The following NEGR1 variants were observed in gnomAD, a reference collection of about 807,000 sequenced individuals.
NEGR1 encodes the protein neuronal growth regulator 1.
In NEGR1, 10 loss-of-function variants were observed where a neutral mutation model predicts 40.9. The observed-to-expected ratio is 0.24, with a 90% confidence interval of 0.15 to 0.42. The LOEUF (loss-of-function observed/expected upper bound fraction) is 0.42. Among genes scored for constraint, NEGR1 ranks in the 10% least tolerant of loss-of-function variants. The probability of loss-of-function intolerance (pLI) is 1.00; values close to 1 mark genes in which losing one functional copy is unlikely to be tolerated. For synonymous variants in NEGR1, 185 were observed against 166.8 expected, an observed-to-expected ratio of 1.11 and a Z score of -0.84; for missense variants, 352 against 438.9, an observed-to-expected ratio of 0.80 and a Z score of 1.77.
chr1:71,489,457 G>A lies in NEGR1; in HGVS notation c.941-81887C>T, dbSNP rs74426030. Among the ~76,000 whole-genome samples, 233 of 151,828 alleles carry A rather than the reference G, an allele frequency of 1.5e-3. 4 individuals are homozygous for A. The East Asian group carries it at 0.03, about 20-fold the overall frequency. The stretch of plus-strand genomic sequence containing the variant: ...AAATCCCGTTTTGTGTAAGTTATTC[G>A]TGATGGTTTCTGTTGTTTCCCACAC... On this transcript the variant is annotated intron_variant, in intron 6 of 6. Coordinates refer to ENST00000357731, the MANE Select transcript of NEGR1 (RefSeq NM_173808.3).
intron 2 of NEGR1, among the ~76,000 whole-genome samples, chr1:71,850,896 C>CT (rs1389878247): frequency 1.3e-5 from 2 of 152,070 alleles, no homozygotes; most frequent in Admixed American, 6.6e-5. Context: ...AAGGCTGAGA[C>CT]TTTTTTGTGT....
chr1:71,536,752 G>A (rs751829949), intron 6 of NEGR1, among the ~76,000 whole-genome samples: 11 of 151,630 alleles, frequency 7.3e-5, no homozygotes, highest in Admixed American at 1.3e-4. Flanking sequence ...AAGGACAAAT[G>A]CACTCCTAAA....
chr1:71,750,257 T>A (rs1466728992), intron 3 of NEGR1, among the ~76,000 whole-genome samples: 4 of 151,998 alleles, frequency 2.6e-5, no homozygotes, highest in African/African-American at 9.7e-5. Flanking sequence ...CCTCCCAAAG[T>A]GCTGGGATTA....
At chr1:71,857,161 T>C (rs757361381) in intron 2 of NEGR1, among the ~76,000 whole-genome samples, 5 of 152,064 alleles carry the variant, frequency 3.3e-5, no homozygotes, top group Non-Finnish European at 7.4e-5. Context: ...AAGTCTAATA[T>C]TGCATTTGAA....
intron 1 of NEGR1, among the ~76,000 whole-genome samples, chr1:72,045,322 G>A (rs892293938): frequency 4.0e-5 from 6 of 151,768 alleles, no homozygotes; most frequent in Admixed American, 2.6e-4. Context: ...AGTTAGATAG[G>A]TCAGCATCTG....
intron 2 of NEGR1, chr1:71,837,153 A>G (rs1334931346): frequency 2.6e-5 from 4 of 152,120 alleles, no homozygotes; most frequent in African/African-American, 9.7e-5. Context: ...CAATTCCAAG[A>G]CAGCCCTGTG....
At chr1:71,453,931 C>G (rs1462149255) in intron 6 of NEGR1, among the ~76,000 whole-genome samples, 1 of 152,130 alleles carries the variant, frequency 6.6e-6, no homozygotes, top group Non-Finnish European at 1.5e-5. Flanking sequence ...CTGCCCTTTT[C>G]CTTTACTCTA....
intron 1 of NEGR1, among the ~76,000 whole-genome samples, chr1:71,952,376 C>A (rs1646078315): frequency 6.6e-6 from 1 of 151,908 alleles, no homozygotes; most frequent in Non-Finnish European, 1.5e-5. Context: ...ACCAAACCAG[C>A]CACAACAGGC....
intron 2 of NEGR1, among the ~76,000 whole-genome samples, chr1:71,788,390 G>C (rs1201462593): frequency 6.6e-6 from 1 of 151,824 alleles, no homozygotes; most frequent in Admixed American, 6.6e-5. Flanking sequence ...ATATTCAAAA[G>C]TATATAAATT....
chr1:71,994,970 G>A (rs555080985), intron 1 of NEGR1, among the ~76,000 whole-genome samples: 1 of 144,176 alleles, frequency 6.9e-6, no homozygotes, highest in East Asian at 2.0e-4. Context: ...TAAGCATTAG[G>A]GAGACCTAAA....
At chr1:72,092,634 G>A (rs1162456944) in intron 1 of NEGR1, among the ~76,000 whole-genome samples, 2 of 152,024 alleles carry the variant, frequency 1.3e-5, no homozygotes, top group Non-Finnish European at 2.9e-5. Context: ...GTACTACAAT[G>A]TATAATTTCC....
intron 1 of NEGR1, among the ~76,000 whole-genome samples, chr1:72,181,171 G>C (rs895029860): frequency 1.3e-5 from 2 of 152,146 alleles, no homozygotes; most frequent in South Asian, 2.1e-4. Context: ...GAATGTCCAT[G>C]GGCTTCTGAG....
chr1:71,648,170 G>T (rs999335138), intron 4 of NEGR1, among the ~76,000 whole-genome samples: 3 of 151,784 alleles, frequency 2.0e-5, no homozygotes, highest in Non-Finnish European at 1.5e-5. Context: ...AATCATCTTG[G>T]CCTAGAAACA....
At chr1:71,958,758 C>T (rs183336232) in intron 1 of NEGR1, among the ~76,000 whole-genome samples, 1 of 152,004 alleles carries the variant, frequency 6.6e-6, no homozygotes, top group South Asian at 2.1e-4. Context: ...TTGAGACCGG[C>T]CTGGCCAACA....
At chr1:71,811,133 C>A (rs575219993) in intron 2 of NEGR1, among the ~76,000 whole-genome samples, 151 of 152,208 alleles carry the variant, frequency 9.9e-4, no homozygotes, top group Middle Eastern at 6.8e-3. Context: ...AAGGAGTCTG[C>A]ACAAAAGGTG....
chr1:71,910,449 T>C (rs1661394351), intron 2 of NEGR1, among the ~76,000 whole-genome samples: 1 of 152,212 alleles, frequency 6.6e-6, no homozygotes, highest in Non-Finnish European at 1.5e-5. Flanking sequence ...AAACTAACCC[T>C]GATTGATTAT....
chr1:71,897,478 A>G (rs922969283), intron 2 of NEGR1, among the ~76,000 whole-genome samples: 2 of 152,192 alleles, frequency 1.3e-5, no homozygotes, highest in Admixed American at 6.5e-5. Context: ...TGATATATCT[A>G]AAGTCACTTC....
chr1:71,575,377 C>T (rs72940365), intron 6 of NEGR1, among the ~76,000 whole-genome samples: 2,289 of 152,300 alleles, frequency 0.015, 54 homozygotes, highest in African/African-American at 0.053. Flanking sequence ...GCCCTTCCAA[C>T]CAACCACAGC....
chr1:71,842,952 T>G (rs2101804071), intron 2 of NEGR1, among the ~76,000 whole-genome samples: 1 of 152,320 alleles, frequency 6.6e-6, no homozygotes, highest in South Asian at 2.1e-4. Context: ...ATTATAACAC[T>G]TTCCCATATT....
Sources: gnomAD v4.1 joint callset for allele counts (sites outside exome capture counted in the v4.1 genomes callset) on GRCh38, gnomAD v4.1.1 for gene constraint, MANE v1.5 for transcripts, NCBI Gene and HGNC (gene_info 2026-07-23, HGNC 2026-07-21) for gene names.